The following ZNF644 variants were observed in gnomAD, a reference collection of about 807,000 sequenced individuals.
ZNF644 encodes the protein zinc finger motif enhancer binding protein 2.
In ZNF644, 20 loss-of-function variants were observed where a neutral mutation model predicts 108.0. The ratio of observed to expected loss-of-function variants is 0.19; its 90% CI spans 0.13 to 0.27. ZNF644 has a LOEUF of 0.27. Ranked by LOEUF, ZNF644 falls within the 10% of genes least tolerant of loss-of-function variation. The probability of loss-of-function intolerance (pLI) is 1.00; values close to 1 mark genes in which losing one functional copy is unlikely to be tolerated. For missense variants in ZNF644, 1,338 were observed against 1,548.9 expected (o/e 0.86, Z 2.29); for synonymous variants, 542 against 539.1 (o/e 1.01, Z -0.08).
intron 2 of ZNF644, among the ~76,000 whole-genome samples, chr1:90,979,884 T>G (rs902786020): frequency 6.6e-6 from 1 of 152,242 alleles, no homozygotes; most frequent in Admixed American, 6.5e-5. Flanking sequence ...TAGGTCTGAA[T>G]TAAGAATATT....
At chr1:90,919,318 GAAAAATTCCCT>G (rs1649158428) in intron 4 of ZNF644, among the ~76,000 whole-genome samples, 2 of 152,072 alleles carry the variant, frequency 1.3e-5, no homozygotes, top group African/African-American at 2.4e-5. Context: ...CCTGCCATGT[GAAAAATTCCCT>G]GGAAAAATTC....
intron 1 of ZNF644, among the ~76,000 whole-genome samples, chr1:90,983,860 C>T (rs1358639569): frequency 6.6e-6 from 1 of 152,128 alleles, no homozygotes; most frequent in African/African-American, 2.4e-5. Context: ...ACTCAGGAAG[C>T]GGAGGTTGCA....
chr1:90,922,515 C>T (rs1204512898), intron 4 of ZNF644, among the ~76,000 whole-genome samples: 1 of 152,050 alleles, frequency 6.6e-6, no homozygotes, highest in Non-Finnish European at 1.5e-5. Context: ...GTCGTGCTGG[C>T]AGTGGTGAGG....
At chr1:90,997,425 T>G (rs1237781463) in intron 1 of ZNF644, among the ~76,000 whole-genome samples, 1 of 151,950 alleles carries the variant, frequency 6.6e-6, no homozygotes, top group Non-Finnish European at 1.5e-5. Flanking sequence ...AATATAGATT[T>G]CATAGAATTA....
chr1:90,939,015 T>C lies in ZNF644; in HGVS notation c.2339A>G (p.Asn780Ser), dbSNP rs111680639. ...NSLHLFSSSS[N>S]SHNNFISDPH... ...GTCTGAAATAAAATTGTTGTGAGAA[T>C]TACTTGATGATGAAAACAGGTGTAA... Residue 780 changes from asparagine to serine, a missense_variant, in exon 3 of 6, where the codon AAT becomes AGT. By Grantham distance (46) the Asn-to-Ser change is conservative. Around this residue, in one of 6 missense-constraint regions of ZNF644, gnomAD observed 462 missense variants for 472.6 expected, o/e 0.98. Coordinates refer to ENST00000337393, the MANE Select transcript of ZNF644 (RefSeq NM_201269.3). 1.8e-5 allele frequency: 29 copies of C among 1,613,936 alleles called. No individual in the cohort carries two copies. The highest frequency in any genetic ancestry group is 2.7e-5 in the African/African-American group (2 of 74,934).
At chr1:90,995,817 A>G (rs1658095207) in intron 1 of ZNF644, among the ~76,000 whole-genome samples, 1 of 152,228 alleles carries the variant, frequency 6.6e-6, no homozygotes. Context: ...ATAAACAACA[A>G]GAGTTTTAAA....
At chr1:90,990,091 C>T (rs1335036721) in intron 1 of ZNF644, among the ~76,000 whole-genome samples, 1 of 152,098 alleles carries the variant, frequency 6.6e-6, no homozygotes, top group Admixed American at 6.6e-5. Flanking sequence ...TATATGATTC[C>T]ATCCATGAGA....
At chr1:90,959,712 A>C (rs1654130465) in intron 2 of ZNF644, among the ~76,000 whole-genome samples, 1 of 152,144 alleles carries the variant, frequency 6.6e-6, no homozygotes, top group Non-Finnish European at 1.5e-5. Flanking sequence ...AGGTGATGGA[A>C]GGGGGCAAAT....
Position 90,939,058 on chromosome 1 carries a change from C to T in ZNF644, c.2296G>A (p.Ala766Thr), listed in dbSNP as rs763372786. The T allele has an allele frequency of 6.2e-7, 1 of 1,613,754 alleles. No homozygotes were observed. The highest frequency in any genetic ancestry group is 8.5e-7 in the Non-Finnish European group (1 of 1,179,804). Residue 766 changes from alanine to threonine, a missense_variant, in exon 3 of 6, where the codon GCT (alanine) becomes ACT (threonine). Around this residue, in one of 6 missense-constraint regions of ZNF644, gnomAD observed 462 missense variants for 472.6 expected, o/e 0.98. Coordinates refer to ENST00000337393, the MANE Select transcript of ZNF644 (RefSeq NM_201269.3). ...AGGTGTAAAGAATTTAATGAACTAG[C>T]TTCTTCTTTTTTGAAATGCACAGGA... ...SYPVHFKKEE[A>T]SSLNSLHLFS...
intron 1 of ZNF644, among the ~76,000 whole-genome samples, chr1:90,995,650 G>A (rs1219276366): frequency 6.6e-6 from 1 of 152,020 alleles, no homozygotes; most frequent in Non-Finnish European, 1.5e-5. Flanking sequence ...AAAATGACTG[G>A]TTACATATCA....
At chr1:90,981,817 T>G (rs1656579871) in intron 2 of ZNF644, among the ~76,000 whole-genome samples, 1 of 152,096 alleles carries the variant, frequency 6.6e-6, no homozygotes, top group South Asian at 2.1e-4. Flanking sequence ...TTTACAATTT[T>G]GAATACTATA....
At chr1:90,982,063 T>G (rs900580) in intron 2 of ZNF644, among the ~76,000 whole-genome samples, 5 of 152,052 alleles carry the variant, frequency 3.3e-5, no homozygotes, top group African/African-American at 9.7e-5. Context: ...CACTGGAAAC[T>G]TGAATGCTTT....
intron 1 of ZNF644, among the ~76,000 whole-genome samples, chr1:90,985,928 G>A (rs937659510): frequency 2.0e-5 from 3 of 152,028 alleles, no homozygotes; most frequent in African/African-American, 2.4e-5. Flanking sequence ...AGGTACACAA[G>A]GGCTCCCTTT....
At chr1:90,964,712 A>T (rs13374201) in intron 2 of ZNF644, among the ~76,000 whole-genome samples, 1,923 of 152,280 alleles carry the variant, frequency 0.013, 40 homozygotes, top group African/African-American at 0.044. Context: ...GGAATATTAT[A>T]CTGGAATGGA....
In ZNF644 at chr1:90,937,821, T is replaced by C. The variant is rs750405730; in HGVS notation, c.3352A>G (p.Ile1118Val). The change falls in exon 4 of 6, where the codon ATA (isoleucine) becomes GTA (valine). Residue 1118 changes from isoleucine to valine, a missense_variant. Physicochemically the swap from Ile to Val is conservative, Grantham distance 29. Around this residue, in one of 6 missense-constraint regions of ZNF644, gnomAD observed 287 missense variants for 310.9 expected, o/e 0.92. Coordinates refer to ENST00000337393, the MANE Select transcript of ZNF644 (RefSeq NM_201269.3). The part of the protein sequence containing the change: ...AQKLASSDDF[I>V]SQNVIPLEAY... ...TCAAGAGGTATAACATTTTGAGATA[T>C]AAAGTCATCACTTGATGCAAGTTTT... 5 of 1,613,928 alleles carry C rather than the reference T, an allele frequency of 3.1e-6. No individual in the cohort carries two copies. In the South Asian group the frequency reaches 4.4e-5, roughly 14 times the overall value.
intron 4 of ZNF644, among the ~76,000 whole-genome samples, chr1:90,924,707 A>T (rs1300043572): frequency 6.6e-6 from 1 of 152,136 alleles, no homozygotes; most frequent in East Asian, 1.9e-4. Flanking sequence ...GTGTAATTCC[A>T]GCCAAAATTC....
intron 1 of ZNF644, among the ~76,000 whole-genome samples, chr1:91,005,763 G>A (rs1659357792): frequency 6.6e-6 from 1 of 151,978 alleles, no homozygotes; most frequent in African/African-American, 2.4e-5. Context: ...CTTATGGGAT[G>A]AAGTAAACGC....
intron 1 of ZNF644, among the ~76,000 whole-genome samples, chr1:90,990,896 C>G (rs1045736713): frequency 6.6e-6 from 1 of 152,032 alleles, no homozygotes; most frequent in Non-Finnish European, 1.5e-5. Flanking sequence ...AGACAGACCC[C>G]CAAAAAGGAA....
At chr1:90,972,812 A>T (rs1331675237) in intron 2 of ZNF644, 2 of 152,230 alleles carry the variant, frequency 1.3e-5, no homozygotes, top group Non-Finnish European at 2.9e-5. Flanking sequence ...AAAATGCTGT[A>T]ACATGAATGA....
Sources: gnomAD v4.1 joint callset for allele counts (sites outside exome capture counted in the v4.1 genomes callset) on GRCh38, gnomAD v4.1.1 for gene constraint, gnomAD v4.1.1 regional missense constraint, MANE v1.5 for transcripts, NCBI Gene and HGNC (gene_info 2026-07-23, HGNC 2026-07-21) for gene names.